Variants in CFAP221 observed in about 807,000 individuals in gnomAD.
CFAP221 encodes cilia- and flagella-associated protein 221.
In CFAP221, 97 loss-of-function variants were observed where a neutral mutation model predicts 113.1. The observed-to-expected ratio is 0.86, with a 90% CI of 0.73 to 1.02. The LOEUF (loss-of-function observed/expected upper bound fraction) is 1.02. Among genes scored for constraint, CFAP221 ranks in the 50% least tolerant of loss-of-function variants. The pLI, the probability that CFAP221 is intolerant of heterozygous loss-of-function variation, is 0.00. For missense variants in CFAP221, 1,025 were observed against 1,013.4 expected (o/e 1.01, Z -0.16); for synonymous variants, 331 against 354.4 (o/e 0.93, Z 0.74).
chr2:119,650,253 A>G (rs1688047030), intron 22 of CFAP221, among the ~76,000 whole-genome samples: 1 of 152,262 alleles, frequency 6.6e-6, no homozygotes, highest in African/African-American at 2.4e-5. Flanking sequence ...TGAGGCAAAT[A>G]AGACCTGCCC....
chr2:119,554,838 G>C (rs1226079681), intron 3 of CFAP221, among the ~76,000 whole-genome samples: 1 of 152,204 alleles, frequency 6.6e-6, no homozygotes, highest in Non-Finnish European at 1.5e-5. Flanking sequence ...TTATAAGGCT[G>C]CTTGAATTTG....
intron 3 of CFAP221, chr2:119,556,333 T>G (rs965889908): frequency 6.6e-6 from 1 of 152,238 alleles, no homozygotes; most frequent in Non-Finnish European, 1.5e-5. Flanking sequence ...GTTTTCTTCC[T>G]GTTTCTGAGC....
intron 3 of CFAP221, among the ~76,000 whole-genome samples, chr2:119,556,562 T>G (rs1166732584): frequency 6.6e-6 from 1 of 151,642 alleles, no homozygotes; most frequent in Admixed American, 6.6e-5. Context: ...TTTTCTTTTT[T>G]TTTTTTTTGA....
intron 6 of CFAP221, chr2:119,580,472 A>T (rs1682772904): frequency 6.6e-6 from 1 of 152,228 alleles, no homozygotes; most frequent in South Asian, 2.1e-4. Context: ...ACAATGTTTT[A>T]AAAACAAGTA....
chr2:119,647,310 A>G (rs894480593), intron 22 of CFAP221, among the ~76,000 whole-genome samples: 2 of 152,198 alleles, frequency 1.3e-5, no homozygotes, highest in African/African-American at 2.4e-5. Flanking sequence ...GTGGTGCCAA[A>G]TGGCCTTGGA....
intron 3 of CFAP221, chr2:119,557,197 T>C (rs1680868636): frequency 6.6e-6 from 1 of 152,214 alleles, no homozygotes; most frequent in Admixed American, 6.5e-5. Context: ...CAGGCAGATA[T>C]TGAGAGTCTG....
At chr2:119,625,032 AAG>A (rs1558973128) in intron 14 of CFAP221, among the ~76,000 whole-genome samples, 1 of 152,072 alleles carries the variant, frequency 6.6e-6, no homozygotes, top group Non-Finnish European at 1.5e-5. Context: ...AAAAAAAAAA[AAG>A]AGCTGCTTAC....
At chr2:119,582,151 A>G (rs1034495177) in intron 6 of CFAP221, among the ~76,000 whole-genome samples, 8 of 152,242 alleles carry the variant, frequency 5.3e-5, no homozygotes, top group Non-Finnish European at 1.0e-4. Context: ...TCACTAAAAG[A>G]AAATTTAAAA....
chr2:119,572,607 C>G (rs763296947), intron 6 of CFAP221: 1 of 697,400 alleles, frequency 1.4e-6, no homozygotes, highest in South Asian at 1.5e-5. Context: ...GTTGGTTGAC[C>G]AGTTGCTCTC....
At chr2:119,552,018 G>A (rs1680468842) in intron 3 of CFAP221, among the ~76,000 whole-genome samples, 1 of 152,094 alleles carries the variant, frequency 6.6e-6, no homozygotes, top group African/African-American at 2.4e-5. Context: ...TAAGGGTCCT[G>A]TAGTTTCAAG....
intron 6 of CFAP221, among the ~76,000 whole-genome samples, chr2:119,568,925 A>G (rs766377289): frequency 2.6e-5 from 4 of 152,154 alleles, no homozygotes; most frequent in Non-Finnish European, 4.4e-5. Flanking sequence ...TTTGTCCGAG[A>G]AAGTTTTTAT....
chr2:119,654,073 GC>G (rs1688287818), intron 23 of CFAP221, among the ~76,000 whole-genome samples: 1 of 151,968 alleles, frequency 6.6e-6, no homozygotes, highest in African/African-American at 2.4e-5. Context: ...GTTGTGGGGG[GC>G]CTGCCTTTTC....
chr2:119,549,192 A>C lies in CFAP221; in HGVS notation c.240+7A>C. 6.6e-7 allele frequency: 1 copy of C among 1,508,490 alleles called. No homozygotes were observed. The highest frequency in any genetic ancestry group is 1.2e-5 in the South Asian group (1 of 80,680). The allele number at this position is 1,508,490 out of a possible 1,614,324, so 93.4% of individuals were successfully genotyped here. On this transcript the variant is annotated splice_region_variant and intron_variant, in intron 3 of 23. Coordinates refer to ENST00000413369, the MANE Select transcript of CFAP221 (RefSeq NM_001271049.2). ...ACAACACCAACAGATTCTGGTAGGTACTTTTTAAATGGGATAATTAATCAT... is the reference window on the plus strand; with the variant it reads ...ACAACACCAACAGATTCTGGTAGGTCCTTTTTAAATGGGATAATTAATCAT...
chr2:119,611,135 G>A (rs1371727491), intron 12 of CFAP221, among the ~76,000 whole-genome samples: 1 of 152,102 alleles, frequency 6.6e-6, no homozygotes, highest in Non-Finnish European at 1.5e-5. Flanking sequence ...CTTAAAACCT[G>A]ACACCTGGAT....
At chr2:119,628,518 C>T (rs1218197416) in intron 16 of CFAP221, among the ~76,000 whole-genome samples, 1 of 152,146 alleles carries the variant, frequency 6.6e-6, no homozygotes, top group African/African-American at 2.4e-5. Flanking sequence ...ATAGGTTTAC[C>T]ATTTTTCAAA....
intron 7 of CFAP221, among the ~76,000 whole-genome samples, chr2:119,594,800 A>G (rs1366214011): frequency 6.6e-6 from 1 of 152,072 alleles, no homozygotes; most frequent in Middle Eastern, 3.2e-3. Context: ...TACCCCAGCA[A>G]CTCTTATGAA....
intron 6 of CFAP221, among the ~76,000 whole-genome samples, chr2:119,577,936 T>C (rs539347632): frequency 6.6e-6 from 1 of 152,350 alleles, no homozygotes; most frequent in South Asian, 2.1e-4. Context: ...ATCTACAACT[T>C]GGGCATGGCC....
At chr2:119,610,041 A>G (rs1236202283) in intron 12 of CFAP221, among the ~76,000 whole-genome samples, 2 of 151,168 alleles carry the variant, frequency 1.3e-5, no homozygotes, top group Non-Finnish European at 2.9e-5. Flanking sequence ...TTTCTTAAAA[A>G]CAAAACATCA....
intron 6 of CFAP221, 32 bp downstream of exon 6, chr2:119,562,146 G>C: frequency 7.0e-7 from 1 of 1,428,550 alleles, no homozygotes; most frequent in Non-Finnish European, 9.4e-7. Context: ...AAAATGTATA[G>C]GATGTGAAAA....
Sources: allele counts gnomAD v4.1 joint callset (sites outside exome capture counted in the v4.1 genomes callset), GRCh38; gene constraint gnomAD v4.1.1; transcripts MANE v1.5; gene names NCBI Gene and HGNC (gene_info 2026-07-23, HGNC 2026-07-21).